The following DENND2B variants were observed in gnomAD, a reference collection of about 807,000 sequenced individuals.
The protein encoded by DENND2B is DENN domain-containing protein 2B.
A neutral mutation model predicts 116.0 loss-of-function variants in DENND2B; 32 were observed. That is an observed-to-expected ratio of 0.28 (90% CI 0.21 to 0.37). The LOEUF is 0.37. Ranked by LOEUF, DENND2B falls within the 10% of genes least tolerant of loss-of-function variation. The pLI, the probability that DENND2B is intolerant of heterozygous loss-of-function variation, is 1.00. For missense variants in DENND2B, 1,276 were observed against 1,477.7 expected (o/e 0.86, Z 2.24); for synonymous variants, 588 against 583.9 (o/e 1.01, Z -0.10).
Position 8,710,895 on chromosome 11 carries a change from G to C in DENND2B, c.2302C>G (p.Leu768Val). Residue 768 changes from leucine (L) to valine (V), a missense_variant, in exon 11 of 20, where the codon CTG becomes GTG. Around this residue, in one of 2 missense-constraint regions of DENND2B, gnomAD observed 420 missense variants for 631.1 expected, o/e 0.67. Coordinates refer to ENST00000313726, the MANE Select transcript of DENND2B (RefSeq NM_213618.2). ...EYSSETFSFMLTGEDGSRRFG... is the reference protein window; with the variant it reads ...EYSSETFSFMVTGEDGSRRFG... ...CGTCTGCTGCCATCTTCCCCAGTCA[G>C]CATGAAAGAAAAGGTCTCACTGGAA... is the stretch of plus-strand genomic sequence containing the variant. 5 of 1,614,098 alleles carry C rather than the reference G, an allele frequency of 3.1e-6. No individual in the cohort carries two copies. The highest frequency in any genetic ancestry group is 4.2e-6 in the Non-Finnish European group (5 of 1,180,034).
intron 1 of DENND2B, among the ~76,000 whole-genome samples, chr11:8,764,983 T>C (rs1041659318): frequency 6.6e-6 from 1 of 151,082 alleles, no homozygotes; most frequent in Non-Finnish European, 1.5e-5. Context: ...AAAAGGATAT[T>C]AGCAGAAGGT....
intron 1 of DENND2B, among the ~76,000 whole-genome samples, chr11:8,802,008 A>G (rs1481365701): frequency 6.6e-6 from 1 of 150,824 alleles, no homozygotes; most frequent in Non-Finnish European, 1.5e-5. Flanking sequence ...AAAAAAAAAA[A>G]AAAAAAAAAG....
At chr11:8,726,004 G>T (rs1474944566) in intron 4 of DENND2B, 69 bp downstream of exon 4, 5 of 1,605,364 alleles carry the variant, frequency 3.1e-6, no homozygotes, top group African/African-American at 1.3e-5. Flanking sequence ...CAATCTAGGT[G>T]TCTCCTCCTG....
At chr11:8,886,891 C>T (rs1468057935) in intron 1 of DENND2B, among the ~76,000 whole-genome samples, 1 of 151,984 alleles carries the variant, frequency 6.6e-6, no homozygotes, top group Admixed American at 6.6e-5. Context: ...TGCAATGGTG[C>T]AATCTTGGCT....
At chr11:8,773,565 CAG>C (rs1410297838) in intron 1 of DENND2B, among the ~76,000 whole-genome samples, 6 of 152,190 alleles carry the variant, frequency 3.9e-5, no homozygotes, top group African/African-American at 1.2e-4. Context: ...CCTATTGAGA[CAG>C]AGTCAGAAAG....
At chr11:8,859,125 C>A (rs1269513619) in intron 2 of DENND2B, among the ~76,000 whole-genome samples, 3 of 152,162 alleles carry the variant, frequency 2.0e-5, no homozygotes, top group Non-Finnish European at 4.4e-5. Flanking sequence ...GGGCTCCAAA[C>A]CCCCTGTATG....
chr11:8,831,157 C>T (rs887158866), intron 4 of DENND2B, among the ~76,000 whole-genome samples: 18 of 152,306 alleles, frequency 1.2e-4, no homozygotes, highest in African/African-American at 4.3e-4. Flanking sequence ...GGCTGACCAG[C>T]CCATTCTTAG....
chr11:8,695,719 G>T lies in DENND2B; in HGVS notation c.3293-170C>A, dbSNP rs547821282. ...AGAATTCGGGCTGGCTCATCAAGGC[G>T]ATCATTAGTGACATCTTGCCGGGGT... On this transcript the variant is annotated intron_variant, in intron 18 of 19. Transcript: ENST00000313726. 1.5e-5 allele frequency: 9 copies of T among 613,624 alleles called. No individual in the cohort carries two copies. The African/African-American group carries it at 1.7e-4, about 11-fold the overall frequency. The allele number at this position is 613,624 out of a possible 1,614,324, so 38.0% of individuals were successfully genotyped here.
rs185240270 is a variant in DENND2B at position 8,713,901 on chromosome 11, G to A, written c.1987+97C>T. ...TCTGTCACCTCTCCACATCAGGCCG[G>A]TTAGGGACACTGGAACCACACATGC... On this transcript the variant is annotated intron_variant, in intron 8 of 19. Coordinates refer to ENST00000313726, the MANE Select transcript of DENND2B (RefSeq NM_213618.2). 7.8e-5 allele frequency: 107 copies of A among 1,375,594 alleles called. 1 individual carries two copies. The East Asian group carries it at 2.4e-3, about 31-fold the overall frequency. The allele number at this position is 1,375,594 out of a possible 1,614,324, so 85.2% of individuals were successfully genotyped here. A position where few individuals can be genotyped will look rare whatever the true frequency, so the allele number is the denominator to read the frequency against.
chr11:8,814,774 A>G (rs116292347), upstream of DENND2B, among the ~76,000 whole-genome samples: 400 of 152,358 alleles, frequency 2.6e-3, no homozygotes, highest in African/African-American at 9.3e-3. Flanking sequence ...TGCAGGGCCC[A>G]GCTCACAGCT....
At chr11:8,836,708 C>T (rs1367516619) in intron 4 of DENND2B, among the ~76,000 whole-genome samples, 3 of 151,842 alleles carry the variant, frequency 2.0e-5, no homozygotes, top group African/African-American at 4.8e-5. Flanking sequence ...TGTGACCCAC[C>T]GCGCCCGGCT....
intron 1 of DENND2B, among the ~76,000 whole-genome samples, chr11:8,758,618 G>A (rs760686940): frequency 4.6e-5 from 7 of 152,158 alleles, no homozygotes; most frequent in Non-Finnish European, 1.0e-4. Flanking sequence ...GAAAGCAGGT[G>A]AATAGAAAGA....
chr11:8,818,507 G>C (rs2061655769), intron 4 of DENND2B, among the ~76,000 whole-genome samples: 1 of 152,092 alleles, frequency 6.6e-6, no homozygotes, highest in Admixed American at 6.6e-5. Context: ...ATCTGGGCAA[G>C]GCTGTAGGAA....
intron 4 of DENND2B, among the ~76,000 whole-genome samples, chr11:8,720,271 T>C (rs1005282151): frequency 2.0e-5 from 3 of 151,994 alleles, no homozygotes; most frequent in Non-Finnish European, 2.9e-5. Flanking sequence ...CTCCTTCACC[T>C]CACTCCCTCC....
At chr11:8,761,493 C>T (rs2054618365) in intron 1 of DENND2B, among the ~76,000 whole-genome samples, 1 of 152,204 alleles carries the variant, frequency 6.6e-6, no homozygotes, top group African/African-American at 2.4e-5. Context: ...TAGAGCAGCA[C>T]CTTCACTCTG....
chr11:8,729,955 C>T lies in DENND2B; in HGVS notation c.1335G>A (p.Gln445=). Residue 445 remains glutamine, a synonymous_variant, in exon 3 of 20, where the codon CAG becomes CAA. Transcript: ENST00000313726. ...KKDMRGHRKS[Q]SRKSFEFEDA... ...ACCGGAGGGGCATGCATTACCTGCT[C>T]TGGGACTTGCGGTGACCACGCATGT... is the stretch of plus-strand genomic sequence containing the variant. 6.2e-7 allele frequency: 1 copy of T among 1,614,042 alleles called. No individual in the cohort carries two copies. The highest frequency in any genetic ancestry group is 8.5e-7 in the Non-Finnish European group (1 of 1,179,946).
chr11:8,702,149 G>C lies in DENND2B; in HGVS notation c.2720+423C>G, dbSNP rs1450239944. Among the ~76,000 whole-genome samples, 9 of 152,268 alleles carry C rather than the reference G, an allele frequency of 5.9e-5. No individual in the cohort carries two copies. In the South Asian group the frequency reaches 1.7e-3, roughly 28 times the overall value. Reference sequence around the variant, plus strand: ...GCATTCCTCACACTGTCCCCGGTCAGTGCTCTTGCCCCTTCCTCACAGCAG... The same window carrying C: ...GCATTCCTCACACTGTCCCCGGTCACTGCTCTTGCCCCTTCCTCACAGCAG... On this transcript the variant is annotated intron_variant, in intron 14 of 19. Transcript: ENST00000313726. This position sits in a 1 kb window ranked among gnomAD's most constrained non-coding sequence, Gnocchi z 4.6.
chr11:8,772,475 G>T (rs946888866), intron 1 of DENND2B, among the ~76,000 whole-genome samples: 3 of 152,054 alleles, frequency 2.0e-5, no homozygotes, highest in Non-Finnish European at 4.4e-5. Context: ...GAATTAAATT[G>T]TAAGAAACCC....
upstream of DENND2B, among the ~76,000 whole-genome samples, chr11:8,874,608 T>C (rs1205673793): frequency 6.6e-6 from 1 of 152,142 alleles, no homozygotes; most frequent in Non-Finnish European, 1.5e-5. Context: ...CTGCCTGTAA[T>C]ATTATATGTA....
Sources: allele counts gnomAD v4.1 joint callset (sites outside exome capture counted in the v4.1 genomes callset), GRCh38; gene constraint gnomAD v4.1.1; regional missense constraint gnomAD v4.1.1; non-coding constraint Gnocchi (gnomAD v3.1); transcripts MANE v1.5; gene names NCBI Gene and HGNC (gene_info 2026-07-23, HGNC 2026-07-21).